Variants in ZNF423 observed in about 807,000 individuals in gnomAD.
ZNF423 encodes Ebf-associated zinc finger protein.
In ZNF423, 12 loss-of-function variants were observed where a neutral mutation model predicts 95.8. That is an observed-to-expected ratio of 0.13 (90% CI 0.08 to 0.20). ZNF423 has a LOEUF of 0.20. ZNF423 is among the 10% of genes least tolerant of loss of function. The pLI, the probability that ZNF423 is intolerant of heterozygous loss-of-function variation, is 1.00. For missense variants in ZNF423, 1,316 were observed against 1,737.1 expected (o/e 0.76, Z 4.31); for synonymous variants, 749 against 711.9 (o/e 1.05, Z -0.83).
intron 5 of ZNF423, among the ~76,000 whole-genome samples, chr16:49,530,802 G>C (rs560350007): frequency 1.3e-5 from 2 of 152,184 alleles, no homozygotes; most frequent in Non-Finnish European, 2.9e-5. Context: ...GAGAGGCAGG[G>C]CCCCTAACAG....
chr16:49,579,895 T>G (rs6500235), intron 5 of ZNF423, among the ~76,000 whole-genome samples: 9,420 of 152,182 alleles, frequency 0.062, 339 homozygotes, highest in Middle Eastern at 0.085. Context: ...CTGCCTCACA[T>G]GCAGTTTACC....
At chr16:49,620,098 C>T (rs1192988461) in intron 5 of ZNF423, among the ~76,000 whole-genome samples, 1 of 151,936 alleles carries the variant, frequency 6.6e-6, no homozygotes, top group African/African-American at 2.4e-5. Flanking sequence ...AAAACCCTCT[C>T]TCTGTCTGTC....
At chr16:49,677,426 A>C (rs2031159285) in intron 3 of ZNF423, among the ~76,000 whole-genome samples, 1 of 144,450 alleles carries the variant, frequency 6.9e-6, no homozygotes. Flanking sequence ...GGAAGGAAGG[A>C]AGGAAAAGAA....
intron 1 of ZNF423, chr16:49,822,580 T>C (rs2034957914): frequency 1.6e-5 from 18 of 1,099,364 alleles, no homozygotes; most frequent in Non-Finnish European, 2.2e-5. Flanking sequence ...GAGACCCACA[T>C]TGTCCAAGAG....
At chr16:49,787,708 C>T (rs1350908878) in intron 2 of ZNF423, among the ~76,000 whole-genome samples, 1 of 152,142 alleles carries the variant, frequency 6.6e-6, no homozygotes, top group Non-Finnish European at 1.5e-5. Context: ...ACCCCCCCTG[C>T]CCAGGGCTGT....
At chr16:49,593,150 GA>G (rs1460960105) in intron 5 of ZNF423, among the ~76,000 whole-genome samples, 2 of 152,196 alleles carry the variant, frequency 1.3e-5, no homozygotes, top group Non-Finnish European at 2.9e-5. Context: ...CCACCCCAAA[GA>G]GCCAAACCTC....
intron 2 of ZNF423, among the ~76,000 whole-genome samples, chr16:49,732,466 G>A (rs145708528): frequency 1.6e-3 from 242 of 152,264 alleles, no homozygotes; most frequent in African/African-American, 5.2e-3. Context: ...TTACCCATCC[G>A]GAAACTAGCT....
intron 3 of ZNF423, among the ~76,000 whole-genome samples, chr16:49,673,066 C>T (rs1307718461): frequency 2.0e-5 from 3 of 152,154 alleles, no homozygotes; most frequent in Non-Finnish European, 4.4e-5. Context: ...GTGAGGCTCA[C>T]CACCCCGCCG....
At chr16:49,666,005 A>G (rs1479851068) in intron 3 of ZNF423, among the ~76,000 whole-genome samples, 1 of 152,118 alleles carries the variant, frequency 6.6e-6, no homozygotes, top group Non-Finnish European at 1.5e-5. Flanking sequence ...AACACAGCAA[A>G]CTTCACAGCA....
chr16:49,617,938 C>A (rs1971930880), intron 5 of ZNF423, among the ~76,000 whole-genome samples: 1 of 152,160 alleles, frequency 6.6e-6, no homozygotes, highest in South Asian at 2.1e-4. Context: ...TCAGCACCAA[C>A]CACCCTACAC....
intron 3 of ZNF423, among the ~76,000 whole-genome samples, chr16:49,656,216 T>A (rs2029877269): frequency 6.6e-6 from 1 of 152,128 alleles, no homozygotes; most frequent in Non-Finnish European, 1.5e-5. Context: ...GAATAAAGAA[T>A]GGGCAAGCGG....
intron 2 of ZNF423, among the ~76,000 whole-genome samples, chr16:49,786,190 C>T (rs1263555792): frequency 6.6e-6 from 1 of 152,244 alleles, no homozygotes; most frequent in African/African-American, 2.4e-5. Flanking sequence ...GATCATTTCG[C>T]TCCTTTCCCT....
rs908668224 is a variant in ZNF423, at chr16:49,554,680, C to T, written c.3602-29186G>A. Among the ~76,000 whole-genome samples, 5 of 151,634 alleles carry T rather than the reference C, an allele frequency of 3.3e-5. No homozygotes were observed. The East Asian group carries it at 5.9e-4, about 18-fold the overall frequency. On this transcript the variant is annotated intron_variant, in intron 5 of 7. Transcript: ENST00000563137. ...GCTTGACTGTGAGCTCTCTGATCTC[C>T]CTGAATTATTTTCAGTTGGCTTTTC...
intron 2 of ZNF423, among the ~76,000 whole-genome samples, chr16:49,746,041 G>A (rs1163669148): frequency 6.6e-6 from 1 of 152,100 alleles, no homozygotes; most frequent in Admixed American, 6.5e-5. Context: ...TTTCATCTGA[G>A]CTTTGTCCCT....
chr16:49,681,442 T>A (rs1261611708), intron 3 of ZNF423, among the ~76,000 whole-genome samples: 1 of 152,230 alleles, frequency 6.6e-6, no homozygotes, highest in Non-Finnish European at 1.5e-5. Context: ...TCTCATGTAC[T>A]CACGCTGCCA....
chr16:49,774,139 A>G (rs1374787376), intron 2 of ZNF423, among the ~76,000 whole-genome samples: 1 of 152,190 alleles, frequency 6.6e-6, no homozygotes, highest in Non-Finnish European at 1.5e-5. Context: ...TGGGGTCCTC[A>G]GGCCCTGTGG....
intron 7 of ZNF423, among the ~76,000 whole-genome samples, chr16:49,498,928 A>C (rs1217666821): frequency 6.6e-6 from 1 of 152,210 alleles, no homozygotes; most frequent in Non-Finnish European, 1.5e-5. Context: ...AACAGCGCCG[A>C]ATGAATACTC....
rs370236567 is a variant in ZNF423, at chr16:49,580,426, A to G, written c.3601+45744T>C. On this transcript the variant is annotated intron_variant, in intron 5 of 7. Transcript: ENST00000563137. ...CTTTCCCATCAACACAGTAAACTAC[A>G]CAGAGGTGTGGAAAATACATGTATT... Among the ~76,000 whole-genome samples the G allele has an allele frequency of 1.9e-3, 293 of 152,336 alleles. 8 individuals are homozygous for G. The South Asian group carries it at 0.05, about 26-fold the overall frequency.
chr16:49,500,669 A>C (rs2151659099), intron 7 of ZNF423, among the ~76,000 whole-genome samples: 1 of 152,176 alleles, frequency 6.6e-6, no homozygotes, highest in Admixed American at 6.5e-5. Flanking sequence ...GAATCCCAGC[A>C]CTTTGGAGGC....
Sources: gnomAD v4.1 joint callset for allele counts (sites outside exome capture counted in the v4.1 genomes callset) on GRCh38, gnomAD v4.1.1 for gene constraint, MANE v1.5 for transcripts, NCBI Gene and HGNC (gene_info 2026-07-23, HGNC 2026-07-21) for gene names.